SORCS2: variants seen among roughly 807,000 people sequenced by gnomAD.
The protein encoded by SORCS2 is VPS10 domain-containing receptor SorCS2.
In SORCS2, 100 loss-of-function variants were observed where a neutral mutation model predicts 141.6. The ratio of observed to expected loss-of-function variants is 0.71; its 90% confidence interval spans 0.60 to 0.83. SORCS2 has a LOEUF of 0.83. SORCS2 is among the 40% of genes least tolerant of loss of function. The probability of loss-of-function intolerance (pLI) is 0.00; values close to 1 mark genes in which losing one functional copy is unlikely to be tolerated. For missense variants in SORCS2, 1,646 were observed against 1,560.2 expected, an observed-to-expected ratio of 1.05 and a Z score of -0.93; for synonymous variants, 789 against 676.9, an observed-to-expected ratio of 1.17 and a Z score of -2.57.
intron 3 of SORCS2, among the ~76,000 whole-genome samples, chr4:7,534,264 G>T (rs147612312): frequency 3.3e-4 from 51 of 152,342 alleles, no homozygotes; most frequent in African/African-American, 1.2e-3. Context: ...CACTGGATTT[G>T]CAGGGTGGTG....
chr4:7,597,471 A>G (rs1164615100), intron 3 of SORCS2, among the ~76,000 whole-genome samples: 1 of 137,510 alleles, frequency 7.3e-6, no homozygotes, highest in East Asian at 2.5e-4. Flanking sequence ...GGACTATCGC[A>G]ATAGGAGGGG....
intron 3 of SORCS2, among the ~76,000 whole-genome samples, chr4:7,608,001 CA>C (rs1718169019): frequency 6.6e-6 from 1 of 152,100 alleles, no homozygotes; most frequent in African/African-American, 2.4e-5. Flanking sequence ...GATTTGCAGA[CA>C]AATACCGTGT....
intron 3 of SORCS2, among the ~76,000 whole-genome samples, chr4:7,536,540 G>A (rs184878243): frequency 7.1e-4 from 108 of 152,262 alleles, no homozygotes; most frequent in South Asian, 5.8e-3. Context: ...GTGGTCCTAG[G>A]GAACAAGAGC....
At chr4:7,552,973 G>T (rs1157104059) in intron 3 of SORCS2, among the ~76,000 whole-genome samples, 1 of 152,190 alleles carries the variant, frequency 6.6e-6, no homozygotes, top group Non-Finnish European at 1.5e-5. Flanking sequence ...GGAAGGGAGC[G>T]AGGAGTGGGG....
intron 3 of SORCS2, among the ~76,000 whole-genome samples, chr4:7,588,538 G>A (rs1470954595): frequency 6.6e-6 from 1 of 152,200 alleles, no homozygotes; most frequent in Non-Finnish European, 1.5e-5. Context: ...ATGGCACTTG[G>A]AGGATCAAGT....
At chr4:7,738,533 C>T (rs953790682) in intron 26 of SORCS2, among the ~76,000 whole-genome samples, 8 of 152,132 alleles carry the variant, frequency 5.3e-5, no homozygotes, top group African/African-American at 1.4e-4. Context: ...ATGGTGACGT[C>T]GGCACACACC....
At chr4:7,293,531 G>A (rs1050615827) in intron 1 of SORCS2, among the ~76,000 whole-genome samples, 6 of 152,172 alleles carry the variant, frequency 3.9e-5, no homozygotes, top group South Asian at 2.1e-4. Context: ...TGAATGCACC[G>A]TTTGCAGAGT....
intron 1 of SORCS2, among the ~76,000 whole-genome samples, chr4:7,209,126 A>T (rs1727911543): frequency 6.6e-6 from 1 of 152,118 alleles, no homozygotes; most frequent in African/African-American, 2.4e-5. Context: ...AGGACACTGA[A>T]CTGGCCTTGT....
At chr4:7,709,072 C>T (rs900103851) in intron 14 of SORCS2, among the ~76,000 whole-genome samples, 1 of 152,144 alleles carries the variant, frequency 6.6e-6, no homozygotes, top group African/African-American at 2.4e-5. Flanking sequence ...GTGGCCTTTA[C>T]GGGGATGGGG....
At chr4:7,305,427 C>T (rs775049788) in intron 1 of SORCS2, among the ~76,000 whole-genome samples, 18 of 151,556 alleles carry the variant, frequency 1.2e-4, no homozygotes, top group East Asian at 3.9e-4. Context: ...GAGGGGTGCC[C>T]GGCCAGTGCT....
At chr4:7,728,272 G>T in intron 21 of SORCS2, 78 bp from the exon 22 acceptor site, 4 of 1,026,886 alleles carry the variant, frequency 3.9e-6, no homozygotes, top group Non-Finnish European at 5.9e-6. Context: ...GCATGTGGCT[G>T]CCCCCGACCC....
chr4:7,547,742 C>T (rs1425027821), intron 3 of SORCS2, among the ~76,000 whole-genome samples: 1 of 152,222 alleles, frequency 6.6e-6, no homozygotes, highest in Non-Finnish European at 1.5e-5. Flanking sequence ...GCCGTGAGAC[C>T]TGCATGTGCC....
Position 7,737,151 on chromosome 4 carries a change from G to T in SORCS2, c.3394G>T (p.Asp1132Tyr), listed in dbSNP as rs747173996. The change falls in exon 26 of 27, where the codon GAC becomes TAC. Residue 1132 changes from aspartate (D) to tyrosine (Y), a missense_variant. Asp to Tyr is a radical substitution (Grantham distance 160). Transcript: ENST00000507866. ...EMTSPVSHSEDVQGAVQGNHS... is the reference protein window; with the variant it reads ...EMTSPVSHSEYVQGAVQGNHS... ...GACCAGCCCTGTGAGTCACAGTGAGGACGTCCAGGGCGCTGTCCAGGGTGA... is the reference window on the plus strand; with the variant it reads ...GACCAGCCCTGTGAGTCACAGTGAGTACGTCCAGGGCGCTGTCCAGGGTGA... The T allele has an allele frequency of 1.4e-5, 21 of 1,551,368 alleles. 1 individual carries two copies. The South Asian group carries it at 2.4e-4, about 18-fold the overall frequency.
At chr4:7,611,831 G>A (rs911463932) in intron 3 of SORCS2, among the ~76,000 whole-genome samples, 4 of 152,256 alleles carry the variant, frequency 2.6e-5, no homozygotes, top group Non-Finnish European at 5.9e-5. Context: ...GGGCTGCACT[G>A]GTGCTGTTAG....
chr4:7,356,279 C>A (rs1461468548), intron 1 of SORCS2, among the ~76,000 whole-genome samples: 1 of 152,228 alleles, frequency 6.6e-6, no homozygotes, highest in African/African-American at 2.4e-5. Context: ...TCTGTCTTGG[C>A]CCCTGCGTTA....
intron 2 of SORCS2, among the ~76,000 whole-genome samples, chr4:7,498,280 C>T (rs1292182646): frequency 6.6e-6 from 1 of 152,228 alleles, no homozygotes; most frequent in Non-Finnish European, 1.5e-5. Flanking sequence ...ATGGGTGACC[C>T]AGTCCCCTGC....
chr4:7,393,705 C>T (rs79186291), intron 1 of SORCS2, among the ~76,000 whole-genome samples: 7,215 of 152,128 alleles, frequency 0.047, 202 homozygotes, highest in East Asian at 0.082. Flanking sequence ...CTGTGGGGCT[C>T]GTCGGTGGCA....
intron 1 of SORCS2, among the ~76,000 whole-genome samples, chr4:7,258,298 A>C (rs1714052248): frequency 1.3e-5 from 2 of 151,920 alleles, no homozygotes; most frequent in African/African-American, 4.8e-5. Flanking sequence ...TCCCTTCCCT[A>C]ACACCACACC....
intron 3 of SORCS2, among the ~76,000 whole-genome samples, chr4:7,551,457 C>T (rs1201915732): frequency 2.6e-5 from 4 of 152,292 alleles, no homozygotes; most frequent in South Asian, 2.1e-4. Context: ...TATGCCACAT[C>T]GGCTGTGCAT....
Sources: allele counts gnomAD v4.1 joint callset (sites outside exome capture counted in the v4.1 genomes callset), GRCh38; gene constraint gnomAD v4.1.1; transcripts MANE v1.5; gene names NCBI Gene and HGNC (gene_info 2026-07-23, HGNC 2026-07-21).